The following THRB variants were observed in gnomAD, a reference collection of about 807,000 sequenced individuals.
The protein encoded by THRB is thyroid hormone receptor beta, also known as nuclear receptor subfamily 1 group A member 2.
THRB carries 12 observed loss-of-function variants against 47.8 expected under a neutral mutation model. The ratio of observed to expected loss-of-function variants is 0.25; its 90% CI spans 0.16 to 0.41. The LOEUF (loss-of-function observed/expected upper bound fraction) is 0.41. Among genes scored for constraint, THRB ranks in the 10% least tolerant of loss-of-function variants. The pLI is 1.00. For synonymous variants in THRB, 218 were observed against 212.2 expected (o/e 1.03, Z -0.24); for missense variants, 348 against 589.2 (o/e 0.59, Z 4.24).
chr3:24,362,956 T>C (rs1393037467), intron 1 of THRB, among the ~76,000 whole-genome samples: 2 of 152,102 alleles, frequency 1.3e-5, no homozygotes, highest in African/African-American at 2.4e-5. Flanking sequence ...TGGACCTATA[T>C]TGGGTGCAGC....
intron 3 of THRB, among the ~76,000 whole-genome samples, chr3:24,240,182 C>T (rs2049340708): frequency 6.6e-6 from 1 of 152,172 alleles, no homozygotes; most frequent in Non-Finnish European, 1.5e-5. Context: ...ATGGCCACAA[C>T]ATTTGACCTA....
chr3:24,263,534 C>T lies in THRB; in HGVS notation c.-43+33692G>A, dbSNP rs1029416085. ...CTAGTATTTAAATTTTGGCTTTTCACCCTCAATTATTTTTGGAGATTATAC... is the reference window on the plus strand; with the variant it reads ...CTAGTATTTAAATTTTGGCTTTTCATCCTCAATTATTTTTGGAGATTATAC... On this transcript the variant is annotated intron_variant, in intron 3 of 10. Coordinates refer to ENST00000646209, the MANE Select transcript of THRB (RefSeq NM_001354712.2). 2.6e-5 allele frequency among the ~76,000 whole-genome samples: 4 copies of T among 151,674 alleles called. No homozygotes were observed. In the South Asian group the frequency reaches 8.3e-4, roughly 32 times the overall value.
At chr3:24,216,966 G>A (rs916276647) in intron 4 of THRB, among the ~76,000 whole-genome samples, 1 of 151,854 alleles carries the variant, frequency 6.6e-6, no homozygotes, top group Admixed American at 6.6e-5. Context: ...TTGATGAAAG[G>A]TAATGCCAGC....
In THRB at chr3:24,182,389, G is replaced by T. The variant is rs113547225; in HGVS notation, c.283+7685C>A. Among the ~76,000 whole-genome samples the T allele has an allele frequency of 2.3e-3, 345 of 152,222 alleles. 3 individuals are homozygous for T. The highest frequency in any genetic ancestry group is 7.7e-3 in the African/African-American group (319 of 41,536). Reference sequence around the variant, plus strand: ...CCAATAATACCTTTCCAACTTCAGTGCTAGGTACATTAGCAATCCACTTGT... The same window carrying T: ...CCAATAATACCTTTCCAACTTCAGTTCTAGGTACATTAGCAATCCACTTGT... On this transcript the variant is annotated intron_variant, in intron 5 of 10. Coordinates refer to ENST00000646209, the MANE Select transcript of THRB (RefSeq NM_001354712.2).
chr3:24,442,680 C>G (rs1490077392), intron 1 of THRB, among the ~76,000 whole-genome samples: 1 of 151,946 alleles, frequency 6.6e-6, no homozygotes, highest in African/African-American at 2.4e-5. Flanking sequence ...CAAAAGTAGC[C>G]AGGTGTAGTG....
intron 3 of THRB, among the ~76,000 whole-genome samples, chr3:24,281,593 T>TTAAATG (rs2054615656): frequency 7.9e-6 from 1 of 125,900 alleles, no homozygotes; most frequent in Non-Finnish European, 1.7e-5. Context: ...AATATTAACT[T>TTAAATG]TAAATGTAAA....
intron 7 of THRB, among the ~76,000 whole-genome samples, chr3:24,145,701 T>C (rs139331584): frequency 1.4e-3 from 216 of 152,324 alleles, no homozygotes; most frequent in African/African-American, 5.0e-3. Flanking sequence ...AACCAGAACA[T>C]TTCACAGATT....
At chr3:24,291,940 A>G (rs527546621) in intron 3 of THRB, among the ~76,000 whole-genome samples, 1 of 152,292 alleles carries the variant, frequency 6.6e-6, no homozygotes, top group South Asian at 2.1e-4. Flanking sequence ...TGTAGGTTTT[A>G]TGAAATTGCA....
intron 4 of THRB, among the ~76,000 whole-genome samples, chr3:24,196,994 GCTACCTT>G (rs1447392134): frequency 6.6e-6 from 1 of 152,136 alleles, no homozygotes; most frequent in African/African-American, 2.4e-5. Flanking sequence ...TCCTCCATGT[GCTACCTT>G]CTACCTTGTG....
intron 1 of THRB, among the ~76,000 whole-genome samples, chr3:24,398,944 TG>T (rs2067187669): frequency 6.6e-6 from 1 of 152,102 alleles, no homozygotes; most frequent in African/African-American, 2.4e-5. Flanking sequence ...TGGATGAAGC[TG>T]GATACCATCA....
chr3:24,298,429 C>T (rs1274687369), intron 2 of THRB, among the ~76,000 whole-genome samples: 2 of 152,196 alleles, frequency 1.3e-5, no homozygotes, highest in African/African-American at 4.8e-5. Flanking sequence ...GACTTAATTT[C>T]ATGCAAATAA....
At chr3:24,177,420 C>T (rs2041306178) in intron 5 of THRB, among the ~76,000 whole-genome samples, 2 of 152,134 alleles carry the variant, frequency 1.3e-5, no homozygotes, top group African/African-American at 4.8e-5. Context: ...ACTTTTTATT[C>T]TCAGCATATA....
intron 1 of THRB, among the ~76,000 whole-genome samples, chr3:24,492,024 C>T (rs148764791): frequency 7.0e-4 from 107 of 152,310 alleles, no homozygotes; most frequent in Middle Eastern, 6.8e-3. Flanking sequence ...AAAGAGTGAA[C>T]CATATAAGCA....
At chr3:24,406,116 T>G (rs1377361401) in intron 1 of THRB, among the ~76,000 whole-genome samples, 1 of 151,680 alleles carries the variant, frequency 6.6e-6, no homozygotes, top group East Asian at 1.9e-4. Context: ...AAATTTTCAG[T>G]ACAGACAAAT....
At position 24,357,443 on chromosome 3, in the gene THRB, G is replaced by T. The variant is rs148872766; in HGVS notation, c.-260-20072C>A. Among the ~76,000 whole-genome samples, 188 of 149,544 alleles carry T rather than the reference G, an allele frequency of 1.3e-3. No individual in the cohort carries two copies. The East Asian group carries it at 0.033, about 26-fold the overall frequency. On this transcript the variant is annotated intron_variant, in intron 1 of 10. Coordinates refer to ENST00000646209, the MANE Select transcript of THRB (RefSeq NM_001354712.2). Reference sequence around the variant, plus strand: ...TTGAATAGAAATAAAACATTATGTGGTTAAAAAAATTTAAAAAGTTCAAAA... The same window carrying T: ...TTGAATAGAAATAAAACATTATGTGTTTAAAAAAATTTAAAAAGTTCAAAA...
At chr3:24,139,013 G>C (rs1483359555) in intron 8 of THRB, among the ~76,000 whole-genome samples, 2 of 152,208 alleles carry the variant, frequency 1.3e-5, no homozygotes, top group Non-Finnish European at 2.9e-5. Flanking sequence ...TGGAGGTCTA[G>C]AAGCGAGCTA....
chr3:24,245,866 T>C (rs139063503), intron 3 of THRB, among the ~76,000 whole-genome samples: 102 of 152,302 alleles, frequency 6.7e-4, no homozygotes, highest in Middle Eastern at 3.4e-3. Flanking sequence ...TGAGCTGAGA[T>C]AGTGGCATTG....
At chr3:24,482,603 C>T (rs981468910) in intron 1 of THRB, among the ~76,000 whole-genome samples, 1 of 151,284 alleles carries the variant, frequency 6.6e-6, no homozygotes, top group Non-Finnish European at 1.5e-5. Context: ...CAATCCAGGA[C>T]ACAGGACCCC....
chr3:24,127,795 C>T, intron 9 of THRB, 38 bp from the exon 10 acceptor site: 1 of 1,613,154 alleles, frequency 6.2e-7, no homozygotes, highest in Non-Finnish European at 8.5e-7. Context: ...AGAACAAATG[C>T]AAAAATGCCA....
Sources: allele counts gnomAD v4.1 joint callset (sites outside exome capture counted in the v4.1 genomes callset), GRCh38; gene constraint gnomAD v4.1.1; transcripts MANE v1.5; gene names NCBI Gene and HGNC (gene_info 2026-07-23, HGNC 2026-07-21).